Variants in RERE observed in about 807,000 individuals in gnomAD.
RERE encodes arginine-glutamic acid dipeptide repeats protein.
In RERE, 40 loss-of-function variants were observed where a neutral mutation model predicts 146.1. The observed-to-expected ratio is 0.27, with a 90% CI of 0.21 to 0.36. The LOEUF is 0.36. RERE is among the 10% of genes least tolerant of loss of function. The pLI is 1.00. For missense variants in RERE, 1,933 were observed against 2,138.7 expected (o/e 0.90, Z 1.90); for synonymous variants, 1,003 against 866.0 (o/e 1.16, Z -2.78).
intron 4 of RERE, among the ~76,000 whole-genome samples, chr1:8,577,663 T>C (rs969759915): frequency 2.0e-5 from 3 of 152,166 alleles, no homozygotes; most frequent in African/African-American, 7.2e-5. Context: ...CCTTCAAATA[T>C]GAGATCTAGA....
At chr1:8,677,436 AAAAAG>A (rs952592683) in intron 1 of RERE, among the ~76,000 whole-genome samples, 6 of 151,404 alleles carry the variant, frequency 4.0e-5, no homozygotes, top group African/African-American at 7.3e-5. Context: ...AAAAAAAAAA[AAAAAG>A]AAAGAAAGAA....
At chr1:8,683,016 CCTCA>C (rs914234641) in intron 1 of RERE, among the ~76,000 whole-genome samples, 10 of 132,690 alleles carry the variant, frequency 7.5e-5, no homozygotes, top group South Asian at 4.9e-4. Context: ...ACCAACTCTG[CCTCA>C]CTGTCTTTAC....
intron 1 of RERE, among the ~76,000 whole-genome samples, chr1:8,671,869 AAAGT>A (rs1237345141): frequency 1.3e-5 from 2 of 152,222 alleles, no homozygotes; most frequent in African/African-American, 2.4e-5. Flanking sequence ...ACACTGTTTT[AAAGT>A]AAGTGATATG....
chr1:8,500,867 G>C (rs1409113394), intron 8 of RERE, among the ~76,000 whole-genome samples: 4 of 149,814 alleles, frequency 2.7e-5, no homozygotes, highest in African/African-American at 1.0e-4. Flanking sequence ...CCGCAACCCT[G>C]TCTGGGATGT....
chr1:8,514,128 C>T (rs1048507429), intron 7 of RERE, among the ~76,000 whole-genome samples: 2 of 152,142 alleles, frequency 1.3e-5, no homozygotes, highest in African/African-American at 4.8e-5. Flanking sequence ...ACAAGCTTTT[C>T]GAAATTCTAA....
intron 1 of RERE, among the ~76,000 whole-genome samples, chr1:8,804,363 G>T (rs1641643901): frequency 6.6e-6 from 1 of 152,136 alleles, no homozygotes; most frequent in South Asian, 2.1e-4. Flanking sequence ...GAGGTGGGGG[G>T]TTATTCTTAC....
intron 4 of RERE, among the ~76,000 whole-genome samples, chr1:8,566,111 G>A (rs1264332745): frequency 2.0e-5 from 3 of 152,126 alleles, no homozygotes; most frequent in African/African-American, 2.4e-5. Context: ...GTTTGATCCT[G>A]GAACACCTTC....
intron 4 of RERE, among the ~76,000 whole-genome samples, chr1:8,598,970 C>T (rs1646588104): frequency 6.6e-6 from 1 of 152,242 alleles, no homozygotes; most frequent in South Asian, 2.1e-4. Flanking sequence ...AGGCAGAAGG[C>T]TGCAAACATC....
intron 1 of RERE, among the ~76,000 whole-genome samples, chr1:8,752,492 G>A (rs1316841010): frequency 2.0e-5 from 3 of 152,132 alleles, no homozygotes; most frequent in African/African-American, 7.2e-5. Flanking sequence ...ATAAACAATA[G>A]TGAAGTGGTA....
At chr1:8,808,208 T>C (rs1008258519) in intron 1 of RERE, among the ~76,000 whole-genome samples, 7 of 151,842 alleles carry the variant, frequency 4.6e-5, no homozygotes, top group Non-Finnish European at 1.0e-4. Flanking sequence ...TTCTGATCAT[T>C]TATTAACACC....
chr1:8,378,192 C>T (rs903575767), intron 12 of RERE, among the ~76,000 whole-genome samples: 1 of 152,204 alleles, frequency 6.6e-6, no homozygotes, highest in Non-Finnish European at 1.5e-5. Context: ...CAGTACCGTA[C>T]CCTCTTCAAG....
At chr1:8,682,922 CAACTACT>C (rs1441762254) in intron 1 of RERE, among the ~76,000 whole-genome samples, 1 of 145,564 alleles carries the variant, frequency 6.9e-6, no homozygotes, top group Non-Finnish European at 1.5e-5. Flanking sequence ...ATGGGAAATA[CAACTACT>C]ACTCAATGCT....
chr1:8,355,323 C>G, intron 22 of RERE, 96 bp downstream of exon 22: 1 of 1,370,370 alleles, frequency 7.3e-7, no homozygotes, highest in Non-Finnish European at 1.0e-6. Flanking sequence ...CAGGGCCCAG[C>G]AGGCAGAGGG....
chr1:8,435,804 C>T (rs145858968), intron 11 of RERE, among the ~76,000 whole-genome samples: 1 of 152,182 alleles, frequency 6.6e-6, no homozygotes, highest in Non-Finnish European at 1.5e-5. Flanking sequence ...CTGTCAGTGC[C>T]CCTCTGGGTC....
intron 12 of RERE, among the ~76,000 whole-genome samples, chr1:8,407,356 C>G (rs532672401): frequency 2.0e-4 from 31 of 152,254 alleles, no homozygotes; most frequent in African/African-American, 7.0e-4. Context: ...TTTCTGCTAC[C>G]TTATGAGACA....
chr1:8,654,151 T>G (rs1647794837), intron 2 of RERE, among the ~76,000 whole-genome samples: 1 of 151,976 alleles, frequency 6.6e-6, no homozygotes, highest in African/African-American at 2.4e-5. Flanking sequence ...GGGATTCTTC[T>G]ACCTCAGCCT....
In RERE at chr1:8,362,673, A is replaced by G. The variant is rs376669893; in HGVS notation, c.1902+10T>C. The G allele has an allele frequency of 6.8e-6, 11 of 1,614,108 alleles. No homozygotes were observed. Among genetic ancestry groups the G allele is most frequent in the African/African-American group, 5.3e-5 (4 of 74,932 alleles). ...ACAGAGTAGGCCCTACTATCCCCCC[A>G]GCACCTGACCTTGGCCGACTTCTTC... On this transcript the variant is annotated intron_variant, in intron 16 of 22. Transcript: ENST00000400908.
intron 12 of RERE, among the ~76,000 whole-genome samples, chr1:8,376,237 A>G (rs1642247385): frequency 6.6e-6 from 1 of 152,200 alleles, no homozygotes; most frequent in Non-Finnish European, 1.5e-5. Flanking sequence ...TCAACGCAAT[A>G]GCATCTTAAT....
At chr1:8,563,149 G>A (rs1646098637) in intron 4 of RERE, among the ~76,000 whole-genome samples, 1 of 152,202 alleles carries the variant, frequency 6.6e-6, no homozygotes, top group Non-Finnish European at 1.5e-5. Flanking sequence ...AGGGTCTAAC[G>A]TTGAGATGGA....
Sources: allele counts gnomAD v4.1 joint callset (sites outside exome capture counted in the v4.1 genomes callset), GRCh38; gene constraint gnomAD v4.1.1; transcripts MANE v1.5; gene names NCBI Gene and HGNC (gene_info 2026-07-23, HGNC 2026-07-21).